The following CCL7 variants were observed in gnomAD, a reference collection of about 807,000 sequenced individuals.
The protein encoded by CCL7 is C-C motif chemokine ligand 7.
Under a neutral mutation model 7.1 loss-of-function variants are expected in CCL7, and 8 were observed. That is an observed-to-expected ratio of 1.13 (90% CI 0.66 to 2.04). The LOEUF is 2.04. Ranked by LOEUF, CCL7 falls within the 30% of genes most tolerant of loss-of-function variation. The probability of loss-of-function intolerance (pLI) is 0.00; values close to 1 mark genes in which losing one functional copy is unlikely to be tolerated. For missense variants in CCL7, 134 were observed against 113.6 expected (o/e 1.18, Z -0.82); for synonymous variants, 46 against 41.2 (o/e 1.12, Z -0.45).
At position 34,270,339 on chromosome 17, in the gene CCL7, T is replaced by C; in HGVS notation, c.49T>C (p.Phe17Leu). The change falls in exon 1 of 3, where the codon TTC becomes CTC. Residue 17 changes from phenylalanine (F) to leucine (L), a missense_variant. Coordinates refer to ENST00000378569, the MANE Select transcript of CCL7 (RefSeq NM_006273.4). ...GTGTCTGCTGCTCACAGCAGCTGCT[T>C]TCAGCCCCCAGGGGCTTGCTCAGCC... Reference protein sequence around the residue: ...LLCLLLTAAAFSPQGLAQPVG... With the variant: ...LLCLLLTAAALSPQGLAQPVG... 6.2e-7 allele frequency: 1 copy of C among 1,614,188 alleles called. No homozygotes were observed. The highest frequency in any genetic ancestry group is 8.5e-7 in the Non-Finnish European group (1 of 1,180,022).
In CCL7 at chr17:34,270,506, G is replaced by T. The variant is rs573527690; in HGVS notation, c.76+140G>T. 29 of 685,566 alleles carry T rather than the reference G, an allele frequency of 4.2e-5. No individual in the cohort carries two copies. In the South Asian group the frequency reaches 4.9e-4, roughly 12 times the overall value. 42.5% of individuals were successfully genotyped at this position (685,566 alleles called of 1,614,324 possible). On this transcript the variant is annotated intron_variant, in intron 1 of 2. Transcript: ENST00000378569. Reference sequence around the variant, plus strand: ...TAAGGTAACTTAGAAAAAGGATAAGGGGTGAGCCCAACCACACAGCTGCTG... The same window carrying T: ...TAAGGTAACTTAGAAAAAGGATAAGTGGTGAGCCCAACCACACAGCTGCTG...
chr17:34,270,998 G>A, intron 1 of CCL7, 148 bp from the exon 2 acceptor site: 1 of 1,490,254 alleles, frequency 6.7e-7, no homozygotes, highest in Admixed American at 2.2e-5. Context: ...TGCCTCAAAG[G>A]GCAGAGACAT....
chr17:34,271,620 T>G (rs1908166883), intron 2 of CCL7, 77 bp from the exon 3 acceptor site: 2 of 917,240 alleles, frequency 2.2e-6, no homozygotes, highest in Non-Finnish European at 3.5e-6. Flanking sequence ...GCTAGACAGA[T>G]TTCCCATAGA....
At chr17:34,270,415 G>A (rs1908085194) in intron 1 of CCL7, 49 bp downstream of exon 1, 1 of 1,490,872 alleles carries the variant, frequency 6.7e-7, no homozygotes, top group Admixed American at 1.7e-5. Context: ...CCCTCTCTGG[G>A]TTATCCTGGA....
rs1309041574 is a variant in CCL7, at chr17:34,271,677, G to C, written c.195-20G>C. The C allele has an allele frequency of 6.5e-7, 1 of 1,538,892 alleles. No homozygotes were observed. Among genetic ancestry groups the C allele is most frequent in the South Asian group, 1.1e-5 (1 of 87,610 alleles). The stretch of plus-strand genomic sequence containing the variant: ...AACCCTCAAGGTGTTCCATCTGACT[G>C]TCTCCTTTCTGCTCCACAGCTTCAA... On this transcript the variant is annotated intron_variant, in intron 2 of 2. Coordinates refer to ENST00000378569, the MANE Select transcript of CCL7 (RefSeq NM_006273.4).
rs1252949221 is a variant in CCL7, at chr17:34,272,003, T to G, written c.*201T>G. 2.1e-6 allele frequency: 1 copy of G among 481,324 alleles called. No homozygotes were observed. 29.8% of individuals were successfully genotyped at this position (481,324 alleles called of 1,614,324 possible). A position where few individuals can be genotyped will look rare whatever the true frequency, so the allele number is the denominator to read the frequency against. On this transcript the variant is annotated 3_prime_UTR_variant, in exon 3 of 3. Transcript: ENST00000378569. ...TAATTTAATCTTCCATGGATTTTGG[T>G]GGGTTTTGAACATAAAGCCTTGGAT...
chr17:34,271,018 G>C, intron 1 of CCL7, 128 bp from the exon 2 acceptor site: 1 of 1,543,316 alleles, frequency 6.5e-7, no homozygotes, highest in Non-Finnish European at 8.7e-7. Flanking sequence ...TTGGGTTTGG[G>C]ATGGGCAGCT....
Position 34,271,809 on chromosome 17 carries a change from A to C in CCL7, c.*7A>C. ...CCAAACTCCAAAGCTTTGAACATTC[A>C]TGACTGAACTGAAAACAAGCCATGA... On this transcript the variant is annotated 3_prime_UTR_variant, in exon 3 of 3. Transcript: ENST00000378569. The C allele has an allele frequency of 1.9e-6, 3 of 1,571,760 alleles. No homozygotes were observed. The highest frequency in any genetic ancestry group is 2.6e-6 in the Non-Finnish European group (3 of 1,144,310).
chr17:34,270,362 G>T lies in CCL7; in HGVS notation c.72G>T (p.Gln24His), dbSNP rs771707444. ...CTTTCAGCCCCCAGGGGCTTGCTCAGCCAGGTAAGGTCCCTCTCTCCTTCT... is the reference window on the plus strand; with the variant it reads ...CTTTCAGCCCCCAGGGGCTTGCTCATCCAGGTAAGGTCCCTCTCTCCTTCT... ...AAAFSPQGLA[Q>H]PVGINTSTTC... Residue 24 changes from glutamine to histidine, a missense_variant, in exon 1 of 3, where the codon CAG becomes CAT. Coordinates refer to ENST00000378569, the MANE Select transcript of CCL7 (RefSeq NM_006273.4). 6.2e-7 allele frequency: 1 copy of T among 1,614,048 alleles called. No individual in the cohort carries two copies. Among genetic ancestry groups the T allele is most frequent in the East Asian group, 2.2e-5 (1 of 44,884 alleles).
At chr17:34,271,398 A>G in intron 2 of CCL7, 135 bp downstream of exon 2, 2 of 745,464 alleles carry the variant, frequency 2.7e-6, no homozygotes, top group Non-Finnish European at 4.5e-6. Flanking sequence ...TATCCCAGAC[A>G]TTTGCCAGTG....
chr17:34,271,271 G>A lies in CCL7; in HGVS notation c.194+8G>A, dbSNP rs373845558. ...TCCCCGGGAAGCTGTAATGTATGTG[G>A]ACGATGACCACCCACCCCTCACACC... On this transcript the variant is annotated splice_region_variant and intron_variant, in intron 2 of 2. Transcript: ENST00000378569. 3 of 1,610,202 alleles carry A rather than the reference G, an allele frequency of 1.9e-6. No homozygotes were observed. In the African/African-American group the frequency reaches 4.0e-5, roughly 22 times the overall value.
chr17:34,270,959 T>C (rs1002070512), intron 1 of CCL7, 187 bp from the exon 2 acceptor site: 8 of 1,268,488 alleles, frequency 6.3e-6, no homozygotes, highest in Non-Finnish European at 5.3e-6. Flanking sequence ...TATTTCACAG[T>C]CCATAAAAGT....
At position 34,272,088 on chromosome 17, in the gene CCL7, G is replaced by A. The variant is rs1298618673; in HGVS notation, c.*286G>A. On this transcript the variant is annotated 3_prime_UTR_variant, in exon 3 of 3. Coordinates refer to ENST00000378569, the MANE Select transcript of CCL7 (RefSeq NM_006273.4). ...ATGCTCCTCCCTTCTCTACCTCATG[G>A]GGGTATTGTATAAGTCCTTGCAAGA... 1 of 314,244 alleles carries A rather than the reference G, an allele frequency of 3.2e-6. No individual in the cohort carries two copies. Among genetic ancestry groups the A allele is most frequent in the African/African-American group, 2.3e-5 (1 of 44,302 alleles). The allele number at this position is 314,244 out of a possible 1,614,324, so 19.5% of individuals were successfully genotyped here.
chr17:34,271,502 A>G (rs1320020298), intron 2 of CCL7, among the ~76,000 whole-genome samples, 195 bp from the exon 3 acceptor site: 1 of 152,210 alleles, frequency 6.6e-6, no homozygotes, highest in Non-Finnish European at 1.5e-5. Flanking sequence ...TCCTGGAACC[A>G]AGAGAGATTC....
rs1267581836 is a variant in CCL7 at position 34,271,727 on chromosome 17, T to G, written c.225T>G (p.Cys75Trp). ...AGACCAAACTGGACAAGGAGATCTG[T>G]GCTGACCCCACACAGAAGTGGGTCC... ...IFKTKLDKEI[C>W]ADPTQKWVQD... The change falls in exon 3 of 3, where the codon TGT becomes TGG. Residue 75 changes from cysteine to tryptophan, a missense_variant. Physicochemically the swap from Cys to Trp is radical, Grantham distance 215. Coordinates refer to ENST00000378569, the MANE Select transcript of CCL7 (RefSeq NM_006273.4). The G allele has an allele frequency of 9.3e-6, 15 of 1,612,834 alleles. No individual in the cohort carries two copies. The highest frequency in any genetic ancestry group is 1.3e-5 in the Non-Finnish European group (15 of 1,179,686).
Position 34,271,257 on chromosome 17 carries a change from C to T in CCL7, c.188C>T (p.Ala63Val). 1 of 1,613,596 alleles carries T rather than the reference C, an allele frequency of 6.2e-7. No individual in the cohort carries two copies. The highest frequency in any genetic ancestry group is 8.5e-7 in the Non-Finnish European group (1 of 1,179,640). Residue 63 changes from alanine (A) to valine (V), a missense_variant, in exon 2 of 3, where the codon GCT becomes GTT. Coordinates refer to ENST00000378569, the MANE Select transcript of CCL7 (RefSeq NM_006273.4). ...RTTSSHCPRE[A>V]VIFKTKLDKE... ...ACCAGTAGCCACTGTCCCCGGGAAG[C>T]TGTAATGTATGTGGACGATGACCAC...
intron 1 of CCL7, among the ~76,000 whole-genome samples, chr17:34,270,666 A>G (rs1039040911): frequency 1.3e-5 from 2 of 152,160 alleles, no homozygotes; most frequent in African/African-American, 2.4e-5. Flanking sequence ...AGGGTGATCA[A>G]AGACAGGAGG....
Position 34,272,027 on chromosome 17 carries a change from A to T in CCL7, c.*225A>T, listed in dbSNP as rs1908194594. 2.3e-6 allele frequency: 1 copy of T among 437,674 alleles called. No individual in the cohort carries two copies. The highest frequency in any genetic ancestry group is 4.3e-5 in the Admixed American group (1 of 23,420). 27.1% of individuals were successfully genotyped at this position (437,674 alleles called of 1,614,324 possible). On this transcript the variant is annotated 3_prime_UTR_variant, in exon 3 of 3. Coordinates refer to ENST00000378569, the MANE Select transcript of CCL7 (RefSeq NM_006273.4). The stretch of plus-strand genomic sequence containing the variant: ...GTGGGTTTTGAACATAAAGCCTTGG[A>T]TGTATATGTCATCTCAGTGCTGTAA...
At chr17:34,271,535 G>C (rs1908162117) in intron 2 of CCL7, among the ~76,000 whole-genome samples, 162 bp from the exon 3 acceptor site, 1 of 152,198 alleles carries the variant, frequency 6.6e-6, no homozygotes, top group East Asian at 1.9e-4. Flanking sequence ...AAAAAGAGCT[G>C]CTTCTCTGAG....
Sources: allele counts gnomAD v4.1 joint callset (sites outside exome capture counted in the v4.1 genomes callset), GRCh38; gene constraint gnomAD v4.1.1; transcripts MANE v1.5; gene names NCBI Gene and HGNC (gene_info 2026-07-23, HGNC 2026-07-21).